The following RIOX2 variants were observed in gnomAD, a reference collection of about 807,000 sequenced individuals.
The protein encoded by RIOX2 is 60S ribosomal protein L27a histidine hydroxylase.
A neutral mutation model predicts 51.2 loss-of-function variants in RIOX2; 43 were observed. That is an observed-to-expected ratio of 0.84 (90% confidence interval 0.66 to 1.08). The LOEUF (loss-of-function observed/expected upper bound fraction) is 1.08, where lower values mean the gene tolerates loss of function less well. Ranked by LOEUF, RIOX2 falls within the 50% of genes least tolerant of loss-of-function variation. The pLI, the probability that RIOX2 is intolerant of heterozygous loss-of-function variation, is 0.00. For missense variants in RIOX2, 566 were observed against 561.7 expected, an observed-to-expected ratio of 1.01 and a Z score of -0.08; for synonymous variants, 226 against 218.5, an observed-to-expected ratio of 1.03 and a Z score of -0.30.
chr3:97,942,276 C>G lies in RIOX2; in HGVS notation c.*2908G>C, dbSNP rs752222712. 3.8e-6 allele frequency: 6 copies of G among 1,592,676 alleles called. No homozygotes were observed. Among genetic ancestry groups the G allele is most frequent in the Non-Finnish European group, 4.3e-6 (5 of 1,167,386 alleles). On this transcript the variant is annotated 3_prime_UTR_variant, in exon 10 of 10. Coordinates refer to ENST00000394198, the MANE Select transcript of RIOX2 (RefSeq NM_153182.4). The stretch of plus-strand genomic sequence containing the variant: ...TACTGCCAATTAATCATTTCTTAAC[C>G]CTTTTAGGCCAGTGATACATGTCTT...
chr3:97,957,696 C>T (rs987399109), intron 4 of RIOX2, among the ~76,000 whole-genome samples: 7 of 152,218 alleles, frequency 4.6e-5, no homozygotes, highest in South Asian at 2.1e-4. Flanking sequence ...CTGACCTTCT[C>T]GGGCAGAGCA....
chr3:97,954,530 A>G (rs1179415525), intron 4 of RIOX2, 35 bp from the exon 5 acceptor site: 3 of 1,532,174 alleles, frequency 2.0e-6, no homozygotes, highest in Non-Finnish European at 2.7e-6. Flanking sequence ...AGAGAAGTTA[A>G]TAAGTATTCC....
At position 97,950,748 on chromosome 3, in the gene RIOX2, G is replaced by A. The variant is rs765997472; in HGVS notation, c.888+38C>T. ...AGGACTTCAGCTGGCCTGGGCTGCAGCTACCATCCTTCATTCCTACCTGCC... is the reference window on the plus strand; with the variant it reads ...AGGACTTCAGCTGGCCTGGGCTGCAACTACCATCCTTCATTCCTACCTGCC... On this transcript the variant is annotated intron_variant, in intron 6 of 9. Coordinates refer to ENST00000394198, the MANE Select transcript of RIOX2 (RefSeq NM_153182.4). The A allele has an allele frequency of 8.4e-6, 13 of 1,543,026 alleles. No individual in the cohort carries two copies. In the East Asian group the frequency reaches 2.7e-4, roughly 32 times the overall value.
intron 8 of RIOX2, among the ~76,000 whole-genome samples, chr3:97,946,586 G>GTATATATTTATA (rs2040365687): frequency 7.8e-6 from 1 of 127,634 alleles, no homozygotes. Flanking sequence ...TTTTGAGGAT[G>GTATATATTTATA]TATATATATA....
chr3:97,954,274 A>G lies in RIOX2; in HGVS notation c.785+118T>C. ...AATGTGGAAGTCAGTAAAGGACATA[A>G]ACCCTGGGGTTTGCATAGGAGGTAG... On this transcript the variant is annotated intron_variant, in intron 5 of 9. Coordinates refer to ENST00000394198, the MANE Select transcript of RIOX2 (RefSeq NM_153182.4). 9.9e-6 allele frequency: 7 copies of G among 703,704 alleles called. No individual in the cohort carries two copies. In the South Asian group the frequency reaches 1.1e-4, roughly 11 times the overall value. 43.6% of individuals were successfully genotyped at this position (703,704 alleles called of 1,614,324 possible). A position where few individuals can be genotyped will look rare whatever the true frequency, so the allele number is the denominator to read the frequency against.
rs1282303277 is a variant in RIOX2, at chr3:97,945,887, C to A, written c.1150G>T (p.Asp384Tyr). Residue 384 changes from aspartate (D) to tyrosine (Y), a missense_variant and splice_region_variant, in exon 9 of 10, where the codon GAT (aspartate) becomes TAT (tyrosine). By Grantham distance (160) the Asp-to-Tyr change is radical. Coordinates refer to ENST00000394198, the MANE Select transcript of RIOX2 (RefSeq NM_153182.4). The part of the protein sequence containing the change: ...LTVLPDQDQS[D>Y]EAQEKMVYIY... ...TACACCATCTTTTCTTGAGCTTCAT[C>A]CTTTGGGGAAAAAATAAATGCATTA... 1 of 1,598,144 alleles carries A rather than the reference C, an allele frequency of 6.3e-7. No individual in the cohort carries two copies. The highest frequency in any genetic ancestry group is 1.1e-5 in the South Asian group (1 of 90,630).
rs765208019 is a variant in RIOX2 at position 97,947,417 on chromosome 3, T to G, written c.1093A>C (p.Arg365=). The G allele has an allele frequency of 2.2e-5, 36 of 1,613,408 alleles. No individual in the cohort carries two copies. The highest frequency in any genetic ancestry group is 2.9e-5 in the Non-Finnish European group (34 of 1,179,596). The change falls in exon 8 of 10, where the codon AGA becomes CGA. Residue 365 remains arginine, a synonymous_variant. Coordinates refer to ENST00000394198, the MANE Select transcript of RIOX2 (RefSeq NM_153182.4). ...GKLPRLDSVV[R]LQFKDHIVLT... is the part of the protein sequence containing the mutation. ...ACAATGTGGTCTTTAAACTGCAGTCTCACTACACTGTCCAGCCTCGGTAAC... is the reference window on the plus strand; with the variant it reads ...ACAATGTGGTCTTTAAACTGCAGTCGCACTACACTGTCCAGCCTCGGTAAC...
chr3:97,949,021 A>G (rs1013525493), intron 7 of RIOX2, among the ~76,000 whole-genome samples: 3 of 152,172 alleles, frequency 2.0e-5, no homozygotes, highest in Non-Finnish European at 4.4e-5. Context: ...GGTTGATGAT[A>G]ATCTTGGACA....
chr3:97,957,428 G>A (rs529055189), intron 4 of RIOX2, among the ~76,000 whole-genome samples: 52 of 151,376 alleles, frequency 3.4e-4, no homozygotes, highest in Non-Finnish European at 7.1e-4. Flanking sequence ...CCCGGGAGGC[G>A]GAGGTTTCAG....
Sources: allele counts gnomAD v4.1 joint callset (sites outside exome capture counted in the v4.1 genomes callset), GRCh38; gene constraint gnomAD v4.1.1; transcripts MANE v1.5; gene names NCBI Gene and HGNC (gene_info 2026-07-23, HGNC 2026-07-21).